Variants in ADGRL3 observed in about 807,000 individuals in gnomAD.
ADGRL3 encodes calcium-independent alpha-latrotoxin receptor 3.
In ADGRL3, 62 loss-of-function variants were observed where a neutral mutation model predicts 153.5. The ratio of observed to expected loss-of-function variants is 0.40; its 90% confidence interval spans 0.33 to 0.50. The LOEUF (loss-of-function observed/expected upper bound fraction) is 0.50. Among genes scored for constraint, ADGRL3 ranks in the 20% least tolerant of loss-of-function variants. The pLI is 0.47. For missense variants in ADGRL3, 1,641 were observed against 1,859.4 expected (o/e 0.88, Z 2.16); for synonymous variants, 710 against 672.5 (o/e 1.06, Z -0.86).
chr4:61,643,769 G>A (rs1247736028), intron 5 of ADGRL3, among the ~76,000 whole-genome samples: 1 of 142,262 alleles, frequency 7.0e-6, no homozygotes, highest in Non-Finnish European at 1.5e-5. Context: ...TTGTGTCTCT[G>A]CCCGGCTTTG....
chr4:62,075,568 T>A lies in ADGRL3; in HGVS notation c.*4660T>A, dbSNP rs992434119. 3.3e-5 allele frequency: 5 copies of A among 152,214 alleles called. No individual in the cohort carries two copies. Among genetic ancestry groups the A allele is most frequent in the South Asian group, 4.1e-4 (2 of 4,834 alleles). 9.4% of individuals were successfully genotyped at this position (152,214 alleles called of 1,614,324 possible). On this transcript the variant is annotated 3_prime_UTR_variant, in exon 27 of 27. Transcript: ENST00000683033. ...TACATTGTAGACCAAGGTGTTAAAA[T>A]TTAATTAGTTCATTTTTAGTAATTC...
At chr4:62,023,748 A>T (rs1716663441) in intron 21 of ADGRL3, among the ~76,000 whole-genome samples, 1 of 152,138 alleles carries the variant, frequency 6.6e-6, no homozygotes, top group Non-Finnish European at 1.5e-5. Flanking sequence ...CAAGGTATGT[A>T]TAGTGTTTTA....
chr4:61,405,049 A>T (rs1295434881), intron 2 of ADGRL3, among the ~76,000 whole-genome samples: 1 of 152,006 alleles, frequency 6.6e-6, no homozygotes, highest in African/African-American at 2.4e-5. Context: ...CCCCATTCCC[A>T]GACTTGATCT....
intron 21 of ADGRL3, among the ~76,000 whole-genome samples, chr4:62,016,686 T>C (rs559897633): frequency 6.6e-6 from 1 of 152,324 alleles, no homozygotes; most frequent in African/African-American, 2.4e-5. Context: ...TTTTTATTTC[T>C]TCACATAAAT....
chr4:61,723,479 C>T (rs113439134), intron 6 of ADGRL3, among the ~76,000 whole-genome samples: 12 of 152,222 alleles, frequency 7.9e-5, no homozygotes, highest in African/African-American at 2.6e-4. Flanking sequence ...CTGCCCCTTC[C>T]ACAGAAAGCA....
intron 2 of ADGRL3, among the ~76,000 whole-genome samples, chr4:61,494,836 C>T (rs1477468441): frequency 6.6e-6 from 1 of 151,946 alleles, no homozygotes; most frequent in East Asian, 1.9e-4. Context: ...CCTATGTATA[C>T]AATAGTAATC....
intron 9 of ADGRL3, among the ~76,000 whole-genome samples, chr4:61,865,075 C>T (rs75568061): frequency 5.4e-4 from 82 of 152,232 alleles, no homozygotes; most frequent in African/African-American, 1.9e-3. Context: ...GCATGTCACT[C>T]GTCTCTCGCA....
intron 17 of ADGRL3, among the ~76,000 whole-genome samples, chr4:61,963,836 G>A (rs1043534391): frequency 6.6e-6 from 1 of 152,094 alleles, no homozygotes; most frequent in African/African-American, 2.4e-5. Flanking sequence ...ATAGCAGCTA[G>A]AGGTTCATCT....
At chr4:61,579,179 T>C (rs1173384930) in intron 4 of ADGRL3, among the ~76,000 whole-genome samples, 1 of 152,118 alleles carries the variant, frequency 6.6e-6, no homozygotes, top group Non-Finnish European at 1.5e-5. Context: ...ATGACACCCA[T>C]GTCTTATGTG....
intron 5 of ADGRL3, among the ~76,000 whole-genome samples, chr4:61,593,325 T>G (rs1312276484): frequency 6.6e-6 from 1 of 152,168 alleles, no homozygotes; most frequent in African/African-American, 2.4e-5. Flanking sequence ...GTGTTTTTCT[T>G]TGGCCTACTG....
At chr4:61,773,447 C>A (rs533675336) in intron 8 of ADGRL3, among the ~76,000 whole-genome samples, 21 of 152,234 alleles carry the variant, frequency 1.4e-4, no homozygotes, top group African/African-American at 4.6e-4. Context: ...GCACCAGCAA[C>A]CTTTTATTCC....
intron 11 of ADGRL3, among the ~76,000 whole-genome samples, chr4:61,904,841 GA>G (rs1443712093): frequency 6.6e-6 from 1 of 152,082 alleles, no homozygotes; most frequent in African/African-American, 2.4e-5. Context: ...TGAAGGAAAT[GA>G]ATTACCTAAT....
At chr4:61,668,732 A>G (rs1425841488) in intron 5 of ADGRL3, among the ~76,000 whole-genome samples, 1 of 152,158 alleles carries the variant, frequency 6.6e-6, no homozygotes, top group Non-Finnish European at 1.5e-5. Flanking sequence ...AAAAAAAAAA[A>G]TGGAGGCCTG....
chr4:61,313,326 A>G (rs996480892), intron 1 of ADGRL3, among the ~76,000 whole-genome samples: 6 of 152,216 alleles, frequency 3.9e-5, no homozygotes, highest in African/African-American at 1.4e-4. Flanking sequence ...ACATGCCACT[A>G]TACATTTGTT....
intron 5 of ADGRL3, among the ~76,000 whole-genome samples, chr4:61,604,767 G>T (rs1197698318): frequency 6.6e-6 from 1 of 152,098 alleles, no homozygotes; most frequent in Non-Finnish European, 1.5e-5. Context: ...GTTTTTAGCA[G>T]TAATCAAATG....
chr4:61,453,962 C>T (rs1024197350), intron 2 of ADGRL3, among the ~76,000 whole-genome samples: 2 of 152,038 alleles, frequency 1.3e-5, no homozygotes, highest in East Asian at 1.9e-4. Flanking sequence ...GATATATACT[C>T]TTACCTTAAA....
chr4:61,726,260 G>A (rs547996592), intron 6 of ADGRL3, among the ~76,000 whole-genome samples: 8 of 139,470 alleles, frequency 5.7e-5, no homozygotes, highest in South Asian at 4.7e-4. Context: ...GTGCAGTGGC[G>A]CGATCTTGGC....
intron 25 of ADGRL3, among the ~76,000 whole-genome samples, chr4:62,053,109 T>C (rs1231537368): frequency 1.3e-5 from 2 of 151,480 alleles, no homozygotes; most frequent in South Asian, 2.1e-4. Context: ...AAGTTAATTC[T>C]AACAGAGTCA....
chr4:62,059,146 G>A (rs1179928045), intron 25 of ADGRL3, among the ~76,000 whole-genome samples: 2 of 152,032 alleles, frequency 1.3e-5, no homozygotes, highest in Admixed American at 1.3e-4. Context: ...TTGGTAGAGC[G>A]ATAGGAAGTA....
Sources: allele counts gnomAD v4.1 joint callset (sites outside exome capture counted in the v4.1 genomes callset), GRCh38; gene constraint gnomAD v4.1.1; transcripts MANE v1.5; gene names NCBI Gene and HGNC (gene_info 2026-07-23, HGNC 2026-07-21).